Variants in PCDHGA4 observed in about 807,000 individuals in gnomAD.
The protein encoded by PCDHGA4 is protocadherin gamma-A4.
In PCDHGA4, 38 loss-of-function variants were observed where a neutral mutation model predicts 54.6. The ratio of observed to expected loss-of-function variants is 0.70; its 90% CI spans 0.54 to 0.91. PCDHGA4 has a LOEUF of 0.91. PCDHGA4 is among the 40% of genes least tolerant of loss of function. PCDHGA4 has a pLI of 0.00. For synonymous variants in PCDHGA4, 511 were observed against 512.9 expected (o/e 1.00, Z 0.05); for missense variants, 1,298 against 1,220.9 (o/e 1.06, Z -0.94).
rs1217688832 is a variant in PCDHGA4 at position 141,356,795 on chromosome 5, T to A, written c.1688T>A (p.Met563Lys). 6.2e-7 allele frequency: 1 copy of A among 1,613,984 alleles called. No homozygotes were observed. Among genetic ancestry groups the A allele is most frequent in the East Asian group, 2.2e-5 (1 of 44,876 alleles). The change falls in exon 1 of 4, where the codon ATG (methionine) becomes AAG (lysine). Residue 563 changes from methionine to lysine, a missense_variant. Transcript: ENST00000571252. ...CAGTTTAGAGACCTGCAGCTGCTGA[T>A]GACAGCCAGTGACAGTGGAGACCCT... The part of the protein sequence containing the change: ...YEQFRDLQLL[M>K]TASDSGDPPL...
At chr5:141,385,370 A>G (rs1165174523) in intron 1 of PCDHGA4, 1 of 1,530,088 alleles carries the variant, frequency 6.5e-7, no homozygotes, top group South Asian at 1.3e-5. Flanking sequence ...TATTTGCATG[A>G]TATTTCTCTA....
chr5:141,492,616 G>A (rs976681246), intron 1 of PCDHGA4, among the ~76,000 whole-genome samples: 1 of 152,252 alleles, frequency 6.6e-6, no homozygotes. Flanking sequence ...CTAAGTGCCG[G>A]GCGGGCAGGA....
intron 1 of PCDHGA4, chr5:141,441,114 T>A (rs1239606502): frequency 6.6e-6 from 1 of 152,218 alleles, no homozygotes; most frequent in Non-Finnish European, 1.5e-5. Context: ...TTGTCCAGTG[T>A]ACAGTTGAGA....
At chr5:141,409,808 G>C in intron 1 of PCDHGA4, 2 of 1,611,624 alleles carry the variant, frequency 1.2e-6, no homozygotes, top group East Asian at 2.2e-5. Context: ...GCAGGCCCGC[G>C]ACCACGGCTC....
Position 141,477,161 on chromosome 5 carries a change from G to A in PCDHGA4, c.2515-17646G>A, listed in dbSNP as rs761453939. On this transcript the variant is annotated intron_variant, in intron 1 of 3. Transcript: ENST00000571252. The surrounding 1 kb of genome is among the most constrained non-coding windows in gnomAD (Gnocchi z 4.9). ...GGAGGTTGTGGATGTGAATGACAAC[G>A]CCCCGGAGATCACAGTCACCTCCGT... 1.9e-6 allele frequency: 3 copies of A among 1,613,988 alleles called. No individual in the cohort carries two copies. The highest frequency in any genetic ancestry group is 2.7e-5 in the African/African-American group (2 of 74,904).
At position 141,355,073 on chromosome 5, in the gene PCDHGA4, G is replaced by A. The variant is rs564190348; in HGVS notation, c.-35G>A. 7.9e-5 allele frequency: 109 copies of A among 1,374,920 alleles called. No individual in the cohort carries two copies. The African/African-American group carries it at 9.3e-4, about 12-fold the overall frequency. The allele number at this position is 1,374,920 out of a possible 1,614,324, so 85.2% of individuals were successfully genotyped here. A position where few individuals can be genotyped will look rare whatever the true frequency, so the allele number is the denominator to read the frequency against. On this transcript the variant is annotated 5_prime_UTR_variant, in exon 1 of 4. Coordinates refer to ENST00000571252, the MANE Select transcript of PCDHGA4 (RefSeq NM_018917.4). ...GCACTGGCTCTGGAGCTTTATGAAA[G>A]CTTCAAGCGGAAGCCCTGAGAGCTC...
At chr5:141,456,058 C>T (rs1488082918) in intron 1 of PCDHGA4, among the ~76,000 whole-genome samples, 3 of 151,880 alleles carry the variant, frequency 2.0e-5, no homozygotes, top group Admixed American at 6.6e-5. Context: ...CCACCACGTC[C>T]GGCTAATTTT....
At chr5:141,430,877 G>A (rs1392342627) in intron 1 of PCDHGA4, 5 of 1,600,678 alleles carry the variant, frequency 3.1e-6, no homozygotes, top group African/African-American at 2.7e-5. Context: ...GGAAGAGCTG[G>A]AGAAAGGCTC....
rs1472806327 is a variant in PCDHGA4 at position 141,447,891 on chromosome 5, G to C, written c.2515-46916G>C. Among the ~76,000 whole-genome samples the C allele has an allele frequency of 1.3e-5, 2 of 152,080 alleles. 1 individual carries two copies. Among genetic ancestry groups the C allele is most frequent in the African/African-American group, 4.8e-5 (2 of 41,408 alleles). On this transcript the variant is annotated intron_variant, in intron 1 of 3. Coordinates refer to ENST00000571252, the MANE Select transcript of PCDHGA4 (RefSeq NM_018917.4). Reference sequence around the variant, plus strand: ...ATCTGAGGTCAGGAGTTCGAGACCAGCCTGGCCAACATGGTGAAACTCTGT... The same window carrying C: ...ATCTGAGGTCAGGAGTTCGAGACCACCCTGGCCAACATGGTGAAACTCTGT...
Position 141,431,706 on chromosome 5 carries a change from A to T in PCDHGA4, c.2515-63101A>T. The T allele has an allele frequency of 6.2e-7, 1 of 1,614,248 alleles. No homozygotes were observed. The highest frequency in any genetic ancestry group is 8.5e-7 in the Non-Finnish European group (1 of 1,180,048). On this transcript the variant is annotated intron_variant, in intron 1 of 3. Coordinates refer to ENST00000571252, the MANE Select transcript of PCDHGA4 (RefSeq NM_018917.4). The surrounding 1 kb of genome is among the most constrained non-coding windows in gnomAD (Gnocchi z 4.8). ...GACCACGAGGAGTCAGGATTCTACC[A>T]GATGGAAGTGCAAGCAATGGATAAT...
chr5:141,501,302 C>T (rs886901737), intron 2 of PCDHGA4, among the ~76,000 whole-genome samples: 14 of 151,156 alleles, frequency 9.3e-5, no homozygotes, highest in African/African-American at 2.9e-4. Flanking sequence ...CACACACACA[C>T]ACACACACAC....
chr5:141,470,969 A>C (rs62379203), intron 1 of PCDHGA4, among the ~76,000 whole-genome samples: 16,337 of 151,332 alleles, frequency 0.11, 895 homozygotes, highest in South Asian at 0.15. Flanking sequence ...CTCCCACCTC[A>C]GCCTCCCAAA....
intron 2 of PCDHGA4, among the ~76,000 whole-genome samples, chr5:141,505,066 G>A (rs1312509903): frequency 6.6e-6 from 1 of 152,190 alleles, no homozygotes; most frequent in Non-Finnish European, 1.5e-5. Flanking sequence ...GGAGACTGAG[G>A]CAGGAGAATC....
intron 1 of PCDHGA4, chr5:141,361,539 C>A (rs754978831): frequency 5.0e-6 from 8 of 1,613,910 alleles, no homozygotes; most frequent in African/African-American, 1.3e-5. Flanking sequence ...ATCCTCCTGG[C>A]GCCTCTATCG....
At chr5:141,379,573 G>C (rs1470548160) in intron 1 of PCDHGA4, 1 of 152,120 alleles carries the variant, frequency 6.6e-6, no homozygotes, top group Non-Finnish European at 1.5e-5. Context: ...GATCAGGCTG[G>C]TTTATTTTAT....
intron 1 of PCDHGA4, chr5:141,389,039 AG>A: frequency 6.2e-7 from 1 of 1,613,988 alleles, no homozygotes; most frequent in Non-Finnish European, 8.5e-7. Context: ...GTAAATTGGA[AG>A]GTGATGTTCC....
intron 1 of PCDHGA4, among the ~76,000 whole-genome samples, chr5:141,445,007 G>T (rs771023003): frequency 1.3e-5 from 2 of 151,994 alleles, no homozygotes; most frequent in African/African-American, 4.8e-5. Flanking sequence ...ATTTAATTAG[G>T]TCTTTAATTT....
At position 141,357,639 on chromosome 5, in the gene PCDHGA4, T is replaced by C. The variant is rs1416163198; in HGVS notation, c.2514+18T>C. On this transcript the variant is annotated intron_variant, in intron 1 of 3. Transcript: ENST00000571252. ...ATCTTCAGGTGAGTCAATCTTATAA[T>C]AGATCATACCACACTGAAATATAGA... 6.2e-7 allele frequency: 1 copy of C among 1,612,114 alleles called. No individual in the cohort carries two copies. Among genetic ancestry groups the C allele is most frequent in the Non-Finnish European group, 8.5e-7 (1 of 1,178,482 alleles).
intron 1 of PCDHGA4, chr5:141,424,630 A>G (rs1440031596): frequency 1.3e-5 from 2 of 152,366 alleles, no homozygotes; most frequent in East Asian, 3.9e-4. Flanking sequence ...TTGTGAATAT[A>G]TAAATAGATT....
Sources: gnomAD v4.1 joint callset for allele counts (sites outside exome capture counted in the v4.1 genomes callset) on GRCh38, gnomAD v4.1.1 for gene constraint, Gnocchi (gnomAD v3.1) non-coding constraint, MANE v1.5 for transcripts, NCBI Gene and HGNC (gene_info 2026-07-23, HGNC 2026-07-21) for gene names.